GARRE1: variants seen among roughly 807,000 people sequenced by gnomAD.
The protein encoded by GARRE1 is granule associated Rac and RHOG effector protein 1.
GARRE1 carries 49 observed loss-of-function variants against 103.2 expected under a neutral mutation model. That is an observed-to-expected ratio of 0.47 (90% confidence interval 0.38 to 0.60). GARRE1 has a LOEUF of 0.60. Among genes scored for constraint, GARRE1 ranks in the 20% least tolerant of loss-of-function variants. The probability of loss-of-function intolerance (pLI) is 0.00; values close to 1 mark genes in which losing one functional copy is unlikely to be tolerated. For missense variants in GARRE1, 1,199 were observed against 1,370.5 expected, an observed-to-expected ratio of 0.87 and a Z score of 1.98; for synonymous variants, 505 against 532.8, an observed-to-expected ratio of 0.95 and a Z score of 0.72.
At chr19:34,299,556 C>G (rs1451930273) in intron 1 of GARRE1, 123 bp from the exon 2 acceptor site, 1 of 152,218 alleles carries the variant, frequency 6.6e-6, no homozygotes, top group East Asian at 1.9e-4. Context: ...ACCTGCTCCT[C>G]TAAGGTTATA....
intron 1 of GARRE1, among the ~76,000 whole-genome samples, chr19:34,295,515 GTGTTTTGTTTTGTTT>G (rs71165644): frequency 2.0e-5 from 3 of 148,458 alleles, no homozygotes; most frequent in South Asian, 2.1e-4. Context: ...GTATCTCTTG[GTGTTTTGTTTTGTTT>G]TGTTTTGTTT....
chr19:34,267,884 C>CT (rs1298064602), intron 1 of GARRE1, among the ~76,000 whole-genome samples: 12 of 151,884 alleles, frequency 7.9e-5, no homozygotes, highest in African/African-American at 2.9e-4. Flanking sequence ...AGCAATTCTC[C>CT]TGCCTCAGCC....
chr19:34,288,408 G>A (rs1382779912), intron 1 of GARRE1, among the ~76,000 whole-genome samples: 1 of 152,138 alleles, frequency 6.6e-6, no homozygotes, highest in Non-Finnish European at 1.5e-5. Context: ...ATGTCCTGGA[G>A]CAACCTCTGG....
intron 6 of GARRE1, among the ~76,000 whole-genome samples, chr19:34,329,447 C>G (rs987835664): frequency 6.6e-6 from 1 of 152,158 alleles, no homozygotes; most frequent in African/African-American, 2.4e-5. Context: ...GTATCCATAT[C>G]TAGTCATTTA....
In GARRE1 at chr19:34,355,002, ATC is replaced by A. The variant is rs2074264144; in HGVS notation, c.*2051_*2052del. On this transcript the variant is annotated 3_prime_UTR_variant, in exon 14 of 14. Transcript: ENST00000299505. ...GTTAGCTGTCACGGTGTGCACACTA[ATC>A]TCTGTTAAAGTTGTCTATGGCTGTT... The A allele has an allele frequency of 6.6e-6, 1 of 152,580 alleles. No homozygotes were observed. The allele number at this position is 152,580 out of a possible 1,614,324, so 9.5% of individuals were successfully genotyped here.
Position 34,272,532 on chromosome 19 carries a change from A to G in GARRE1, c.-796+17918A>G, listed in dbSNP as rs542980646. On this transcript the variant is annotated intron_variant, in intron 1 of 13. Coordinates refer to ENST00000299505, the MANE Select transcript of GARRE1 (RefSeq NM_014686.5). ...GGTAAAACTTGAAGACCCTGCAGAG[A>G]TGTCTCCTGGGTCTGGTCCTTGGAG... Among the ~76,000 whole-genome samples, 39 of 152,232 alleles carry G rather than the reference A, an allele frequency of 2.6e-4. No individual in the cohort carries two copies. In the South Asian group the frequency reaches 7.7e-3, roughly 30 times the overall value.
intron 2 of GARRE1, among the ~76,000 whole-genome samples, chr19:34,305,081 C>T (rs374201583): frequency 5.7e-4 from 87 of 152,280 alleles, no homozygotes; most frequent in African/African-American, 1.7e-3. Flanking sequence ...CGTGAGCCAC[C>T]GTGCCCGGCG....
chr19:34,301,022 T>G, intron 2 of GARRE1, 54 bp downstream of exon 2: 1 of 1,515,674 alleles, frequency 6.6e-7, no homozygotes, highest in Non-Finnish European at 8.9e-7. Context: ...CAAAGGTAAG[T>G]GAGAATATTG....
chr19:34,348,970 T>G, intron 11 of GARRE1, 46 bp from the exon 12 acceptor site: 1 of 1,601,194 alleles, frequency 6.2e-7, no homozygotes, highest in East Asian at 2.2e-5. Flanking sequence ...TGGCGGGTGG[T>G]GGGGCTGCAG....
At chr19:34,266,619 C>A (rs372431388) in intron 1 of GARRE1, among the ~76,000 whole-genome samples, 3 of 152,148 alleles carry the variant, frequency 2.0e-5, no homozygotes, top group African/African-American at 7.2e-5. Flanking sequence ...GCTGGAATTA[C>A]AGGTGTGAGC....
rs2074220384 is a variant in GARRE1, at chr19:34,348,011, A to G, written c.2656A>G (p.Thr886Ala). Residue 886 changes from threonine (T) to alanine (A), a missense_variant, in exon 11 of 14, where the codon ACC (threonine) becomes GCC (alanine). Thr to Ala is a moderately conservative substitution (Grantham distance 58). Coordinates refer to ENST00000299505, the MANE Select transcript of GARRE1 (RefSeq NM_014686.5). ...NWPPMDDAHR[T>A]WPFPEFFTEG... ...GCCGCCTATGGATGACGCGCATCGG[A>G]CCTGGCCCTTCCCCGAGTTCTTCAC... 1 of 1,518,002 alleles carries G rather than the reference A, an allele frequency of 6.6e-7. No individual in the cohort carries two copies. Among genetic ancestry groups the G allele is most frequent in the Non-Finnish European group, 8.9e-7 (1 of 1,125,182 alleles). 94.0% of individuals were successfully genotyped at this position (1,518,002 alleles called of 1,614,324 possible). A position where few individuals can be genotyped will look rare whatever the true frequency, so the allele number is the denominator to read the frequency against.
At position 34,353,021 on chromosome 19, in the gene GARRE1, C is replaced by A; in HGVS notation, c.*66C>A. 1 of 1,391,552 alleles carries A rather than the reference C, an allele frequency of 7.2e-7. No homozygotes were observed. The highest frequency in any genetic ancestry group is 9.6e-7 in the Non-Finnish European group (1 of 1,041,176). 86.2% of individuals were successfully genotyped at this position (1,391,552 alleles called of 1,614,324 possible). A position where few individuals can be genotyped will look rare whatever the true frequency, so the allele number is the denominator to read the frequency against. Reference sequence around the variant, plus strand: ...CCAGAGCTGTGGGGATGAGTGTCCCCACCCCAGGGCCACTTAGCTGACACC... The same window carrying A: ...CCAGAGCTGTGGGGATGAGTGTCCCAACCCCAGGGCCACTTAGCTGACACC... On this transcript the variant is annotated 3_prime_UTR_variant, in exon 14 of 14. Coordinates refer to ENST00000299505, the MANE Select transcript of GARRE1 (RefSeq NM_014686.5).
intron 7 of GARRE1, among the ~76,000 whole-genome samples, chr19:34,332,015 C>G (rs940692882): frequency 6.6e-6 from 1 of 151,328 alleles, no homozygotes; most frequent in African/African-American, 2.4e-5. Context: ...AAGGATATGG[C>G]ATTTCAGTCA....
chr19:34,313,699 T>G (rs542755772), intron 2 of GARRE1, among the ~76,000 whole-genome samples: 2 of 152,360 alleles, frequency 1.3e-5, no homozygotes, highest in African/African-American at 4.8e-5. Flanking sequence ...AAAAGAATTT[T>G]CTGACCTCTG....
Position 34,294,833 on chromosome 19 carries a change from C to T in GARRE1, c.-795-4846C>T, listed in dbSNP as rs142640154. ...GGACTATGGGTGGGCAGCAACACAC[C>T]TGGCTAATTTTTTTTGTATTCTTAG... On this transcript the variant is annotated intron_variant, in intron 1 of 13. Transcript: ENST00000299505. Among the ~76,000 whole-genome samples the T allele has an allele frequency of 5.4e-3, 823 of 152,192 alleles. 5 individuals are homozygous for T. Among genetic ancestry groups the T allele is most frequent in the African/African-American group, 0.019 (778 of 41,540 alleles).
At chr19:34,331,820 C>T (rs2074139253) in intron 7 of GARRE1, among the ~76,000 whole-genome samples, 2 of 152,020 alleles carry the variant, frequency 1.3e-5, no homozygotes, top group South Asian at 2.1e-4. Context: ...ATGGCGAAAC[C>T]TCGTCTCTAA....
chr19:34,296,334 G>A (rs2073947437), intron 1 of GARRE1: 1 of 957,744 alleles, frequency 1.0e-6, no homozygotes, highest in Non-Finnish European at 1.6e-6. Context: ...TGGAACTGAA[G>A]CTGGAGCTGC....
intron 1 of GARRE1, among the ~76,000 whole-genome samples, chr19:34,278,444 CAAAAAAAAA>C (rs71165640): frequency 3.5e-5 from 2 of 57,102 alleles, no homozygotes; most frequent in Non-Finnish European, 6.6e-5. Context: ...GACTCCATCT[CAAAAAAAAA>C]AAAAAAAAAA....
At chr19:34,312,381 A>G (rs1011114622) in intron 2 of GARRE1, among the ~76,000 whole-genome samples, 4 of 152,222 alleles carry the variant, frequency 2.6e-5, no homozygotes, top group Non-Finnish European at 5.9e-5. Flanking sequence ...AAGCATCACC[A>G]TCATCCATCT....
Sources: allele counts gnomAD v4.1 joint callset (sites outside exome capture counted in the v4.1 genomes callset), GRCh38; gene constraint gnomAD v4.1.1; transcripts MANE v1.5; gene names NCBI Gene and HGNC (gene_info 2026-07-23, HGNC 2026-07-21).